The following CEP152 variants were observed in gnomAD, a reference collection of about 807,000 sequenced individuals.
The protein encoded by CEP152 is centrosomal protein 152.
CEP152 carries 132 observed loss-of-function variants against 188.9 expected under a neutral mutation model. That is an observed-to-expected ratio of 0.70 (90% CI 0.61 to 0.81). The LOEUF (loss-of-function observed/expected upper bound fraction) is 0.81. CEP152 is among the 30% of genes least tolerant of loss of function. CEP152 has a pLI of 0.00. For missense variants in CEP152, 1,914 were observed against 1,969.8 expected, an observed-to-expected ratio of 0.97 and a Z score of 0.54; for synonymous variants, 649 against 666.6, an observed-to-expected ratio of 0.97 and a Z score of 0.41.
chr15:48,806,242 G>A (rs745930530), intron 1 of CEP152, among the ~76,000 whole-genome samples: 3 of 150,832 alleles, frequency 2.0e-5, no homozygotes, highest in African/African-American at 4.8e-5. Flanking sequence ...CAATATACTC[G>A]GGAAAAACAG....
rs1358331842 is a variant in CEP152, at chr15:48,796,151, A to G, written c.550T>C (p.Cys184Arg). 1 of 1,613,750 alleles carries G rather than the reference A, an allele frequency of 6.2e-7. No homozygotes were observed. The highest frequency in any genetic ancestry group is 1.7e-5 in the Admixed American group (1 of 60,004). The change falls in exon 6 of 27, where the codon TGT becomes CGT. Residue 184 changes from cysteine to arginine, a missense_variant. By Grantham distance (180) the Cys-to-Arg change is radical. Transcript: ENST00000380950. ...PQWNHFQGPS[C>R]QGLEPYNKVT... The stretch of plus-strand genomic sequence containing the variant: ...TTATTATACGGTTCCAAACCTTGAC[A>G]ACTGGGACCCTGTGATAACAAATGA...
At position 48,753,081 on chromosome 15, in the gene CEP152, C is replaced by T. The variant is rs187766926; in HGVS notation, c.3346-612G>A. ...CATTTCTTCACTAATATTTATTGAA[C>T]GTTTTTATGTTCCAGTCCTTGTCAC... On this transcript the variant is annotated intron_variant, in intron 20 of 26. Coordinates refer to ENST00000380950, the MANE Select transcript of CEP152 (RefSeq NM_001194998.2). 1.2e-3 allele frequency among the ~76,000 whole-genome samples: 189 copies of T among 152,232 alleles called. 1 individual carries two copies. The highest frequency in any genetic ancestry group is 4.3e-3 in the African/African-American group (177 of 41,536).
rs1051847049 is a variant in CEP152, at chr15:48,747,639, G to T, written c.3634+804C>A. ...AAAAGAATGTTGGGGAAAAGTACAG[G>T]ACAGAATACAAACATCATATGCAAT... On this transcript the variant is annotated intron_variant, in intron 22 of 26. Coordinates refer to ENST00000380950, the MANE Select transcript of CEP152 (RefSeq NM_001194998.2). Among the ~76,000 whole-genome samples, 4 of 152,252 alleles carry T rather than the reference G, an allele frequency of 2.6e-5. No homozygotes were observed. The East Asian group carries it at 5.8e-4, about 22-fold the overall frequency.
At chr15:48,786,663 C>T (rs1896654478) in intron 9 of CEP152, among the ~76,000 whole-genome samples, 1 of 152,084 alleles carries the variant, frequency 6.6e-6, no homozygotes, top group Non-Finnish European at 1.5e-5. Context: ...AGCCTAACAT[C>T]AGTGCCATGC....
chr15:48,729,804 A>G (rs933118791), intron 2 of CEP152: 3 of 152,086 alleles, frequency 2.0e-5, no homozygotes, highest in African/African-American at 7.2e-5. Flanking sequence ...GAAAGTAAAC[A>G]ATTGGTAAAT....
rs1254742286 is a variant in CEP152 at position 48,786,835 on chromosome 15, A to C, written c.1173+1966T>G. On this transcript the variant is annotated intron_variant, in intron 9 of 26. Coordinates refer to ENST00000380950, the MANE Select transcript of CEP152 (RefSeq NM_001194998.2). ...CTTTACTGTAGAGTTCTTCTATTGA[A>C]GGGGGTGGGGCAGTGGACAACAGAG... Among the ~76,000 whole-genome samples the C allele has an allele frequency of 1.1e-4, 17 of 152,132 alleles. 1 individual carries two copies. The highest frequency in any genetic ancestry group is 1.1e-3 in the Admixed American group (17 of 15,258).
chr15:48,737,060 A>C (rs977040004), downstream of CEP152, among the ~76,000 whole-genome samples: 2 of 152,254 alleles, frequency 1.3e-5, no homozygotes, highest in African/African-American at 2.4e-5. Context: ...ACTGAAGTCC[A>C]GGACCAATTT....
intron 12 of CEP152, among the ~76,000 whole-genome samples, chr15:48,775,850 G>A (rs747060053): frequency 6.6e-6 from 1 of 151,768 alleles, no homozygotes. Flanking sequence ...GTGAATATAC[G>A]GAAAACCACT....
chr15:48,772,816 C>G, intron 12 of CEP152, 125 bp from the exon 13 acceptor site: 1 of 766,214 alleles, frequency 1.3e-6, no homozygotes, highest in Non-Finnish European at 2.2e-6. Context: ...ACTAGTATTT[C>G]AAAACAATTT....
At chr15:48,729,820 T>C (rs1226118375) in intron 2 of CEP152, 2 of 151,956 alleles carry the variant, frequency 1.3e-5, no homozygotes, top group Non-Finnish European at 2.9e-5. Context: ...TAAATCTAAA[T>C]GCAGGGTATA....
rs1354754100 is a variant in CEP152 at position 48,805,667 on chromosome 15, G to A, written c.-7-11C>T. ...AATGACATGGTCCTCCTGTGGGAAGGGAAAGATGTTTGGTTTCTGGACACC... is the reference window on the plus strand; with the variant it reads ...AATGACATGGTCCTCCTGTGGGAAGAGAAAGATGTTTGGTTTCTGGACACC... On this transcript the variant is annotated splice_polypyrimidine_tract_variant and intron_variant, in intron 1 of 26. Transcript: ENST00000380950. The A allele has an allele frequency of 1.9e-6, 3 of 1,613,170 alleles. No individual in the cohort carries two copies. The highest frequency in any genetic ancestry group is 3.3e-5 in the Admixed American group (2 of 59,982).
rs1365351119 is a variant in CEP152, at chr15:48,805,656, C to T, written c.-7G>A. 1.9e-6 allele frequency: 3 copies of T among 1,612,664 alleles called. No individual in the cohort carries two copies. Among genetic ancestry groups the T allele is most frequent in the East Asian group, 2.2e-5 (1 of 44,746 alleles). On this transcript the variant is annotated splice_region_variant and 5_prime_UTR_variant, in exon 2 of 27. Transcript: ENST00000380950. The stretch of plus-strand genomic sequence containing the variant: ...TGCCAAAGTCTAATGACATGGTCCT[C>T]CTGTGGGAAGGGAAAGATGTTTGGT...
intron 18 of CEP152, among the ~76,000 whole-genome samples, chr15:48,761,087 T>C: frequency 6.6e-6 from 1 of 152,220 alleles, no homozygotes; most frequent in South Asian, 2.1e-4. Context: ...AAATATTTCC[T>C]TTCTGCTGTA....
At position 48,756,184 on chromosome 15, in the gene CEP152, G is replaced by T. The variant is rs748533734; in HGVS notation, c.3064C>A (p.Gln1022Lys). 1 of 1,613,926 alleles carries T rather than the reference G, an allele frequency of 6.2e-7. No individual in the cohort carries two copies. The highest frequency in any genetic ancestry group is 8.5e-7 in the Non-Finnish European group (1 of 1,179,950). Residue 1022 changes from glutamine to lysine, a missense_variant, in exon 20 of 27, where the codon CAG becomes AAG. Physicochemically the swap from Gln to Lys is moderately conservative, Grantham distance 53. Coordinates refer to ENST00000380950, the MANE Select transcript of CEP152 (RefSeq NM_001194998.2). ...TGCATAGTCCATTCTCTACGACTCT[G>T]GTCTAGACAAGTTTGTAATTCTGTC... ...KETELQTCLD[Q>K]SRREWTMQEA...
Position 48,732,610 on chromosome 15 carries a change from G to A in CEP152, c.142+9021C>T, listed in dbSNP as rs1412712894. Reference sequence around the variant, plus strand: ...TCAATAGGTGCAGCAAACCACCATGGCACACATATACCTAGGTAACAAATC... The same window carrying A: ...TCAATAGGTGCAGCAAACCACCATGACACACATATACCTAGGTAACAAATC... On this transcript the variant is annotated intron_variant and NMD_transcript_variant, in intron 2 of 3. Transcript: ENST00000561245. Among the ~76,000 whole-genome samples, 6 of 150,658 alleles carry A rather than the reference G, an allele frequency of 4.0e-5. 1 individual carries two copies. In the South Asian group the frequency reaches 1.0e-3, roughly 26 times the overall value.
chr15:48,809,634 G>A (rs4482220), intron 1 of CEP152, among the ~76,000 whole-genome samples: 32,093 of 152,118 alleles, frequency 0.21, 4,013 homozygotes, highest in Non-Finnish European at 0.27. Flanking sequence ...GCAATCTTGA[G>A]CAAACTGTTT....
intron 19 of CEP152, 148 bp downstream of exon 19, chr15:48,759,987 C>T: frequency 2.0e-6 from 2 of 1,001,708 alleles, no homozygotes; most frequent in Non-Finnish European, 3.0e-6. Context: ...GACAAGAACA[C>T]TTGCTAGGCT....
intron 2 of CEP152, among the ~76,000 whole-genome samples, chr15:48,802,969 A>C (rs1897766991): frequency 6.6e-6 from 1 of 152,254 alleles, no homozygotes; most frequent in Non-Finnish European, 1.5e-5. Context: ...CTAGCCTTTC[A>C]TCCCAGGCAG....
rs767173963 is a variant in CEP152 at position 48,772,500 on chromosome 15, CT to C, written c.1768del (p.Ser590AlafsTer56). On this transcript the variant is annotated frameshift_variant, in exon 13 of 27. Coordinates refer to ENST00000380950, the MANE Select transcript of CEP152 (RefSeq NM_001194998.2). LOFTEE classifies it high-confidence loss of function. ...DLHQVKKDEK[S>X]IEVETKTDTS... Reference sequence around the variant, plus strand: ...GGCTTTACATACCTCAACCTCAATGCTTTTTTCATCCTTCTTCACTTGGTGG... The same window carrying C: ...GGCTTTACATACCTCAACCTCAATGCTTTTTCATCCTTCTTCACTTGGTGG... 1 of 1,612,520 alleles carries C rather than the reference CT, an allele frequency of 6.2e-7. No homozygotes were observed. Among genetic ancestry groups the C allele is most frequent in the Non-Finnish European group, 8.5e-7 (1 of 1,179,864 alleles).
Sources: gnomAD v4.1 joint callset for allele counts (sites outside exome capture counted in the v4.1 genomes callset) on GRCh38, gnomAD v4.1.1 for gene constraint, MANE v1.5 for transcripts, NCBI Gene and HGNC (gene_info 2026-07-23, HGNC 2026-07-21) for gene names.